Variants in KAZN observed in about 807,000 individuals in gnomAD.
KAZN encodes kazrin.
Under a neutral mutation model 87.4 loss-of-function variants are expected in KAZN, and 40 were observed. The ratio of observed to expected loss-of-function variants is 0.46; its 90% CI spans 0.36 to 0.60. KAZN has a LOEUF of 0.60. KAZN is among the 20% of genes least tolerant of loss of function. The pLI, the probability that KAZN is intolerant of heterozygous loss-of-function variation, is 0.00. For missense variants in KAZN, 898 were observed against 1,073.9 expected (o/e 0.84, Z 2.29); for synonymous variants, 466 against 458.3 (o/e 1.02, Z -0.22).
chr1:14,472,644 CTT>C (rs796277890), intron 2 of KAZN, among the ~76,000 whole-genome samples: 6 of 140,730 alleles, frequency 4.3e-5, no homozygotes, highest in East Asian at 2.0e-4. Flanking sequence ...AAAGAAGCTT[CTT>C]TTTTTTTTTT....
chr1:14,534,678 C>A (rs1340224119), intron 2 of KAZN, among the ~76,000 whole-genome samples: 1 of 152,108 alleles, frequency 6.6e-6, no homozygotes, highest in Non-Finnish European at 1.5e-5. Context: ...AACTGTAGCA[C>A]TGTTCAAGGC....
chr1:13,984,941 G>A (rs1184693517), intron 1 of KAZN, among the ~76,000 whole-genome samples: 1 of 151,762 alleles, frequency 6.6e-6, no homozygotes, highest in Admixed American at 6.6e-5. Context: ...AGTTTATTGT[G>A]AATAAATATA....
At chr1:14,276,791 T>C (rs552938964) in intron 2 of KAZN, among the ~76,000 whole-genome samples, 8 of 152,350 alleles carry the variant, frequency 5.3e-5, no homozygotes, top group Non-Finnish European at 1.0e-4. Flanking sequence ...AGGTCACAAC[T>C]TCAACATCTT....
intron 2 of KAZN, among the ~76,000 whole-genome samples, chr1:14,386,462 T>C (rs1295197118): frequency 2.0e-5 from 3 of 152,124 alleles, no homozygotes; most frequent in Non-Finnish European, 4.4e-5. Flanking sequence ...CAGTTGTTCC[T>C]TTCCATGTTT....
At chr1:14,571,457 T>C (rs1371128382) in intron 2 of KAZN, among the ~76,000 whole-genome samples, 3 of 152,224 alleles carry the variant, frequency 2.0e-5, no homozygotes, top group Non-Finnish European at 4.4e-5. Context: ...GTTTTTGCTT[T>C]GGCCTAATTC....
At chr1:14,456,035 A>T (rs1557733442) in intron 2 of KAZN, among the ~76,000 whole-genome samples, 1 of 152,206 alleles carries the variant, frequency 6.6e-6, no homozygotes, top group Admixed American at 6.5e-5. Context: ...AAGAAGATAG[A>T]TTTAAAAATG....
intron 1 of KAZN, among the ~76,000 whole-genome samples, chr1:14,823,593 C>T (rs2100837239): frequency 6.6e-6 from 1 of 152,160 alleles, no homozygotes; most frequent in East Asian, 1.9e-4. Context: ...GGGGACAGTC[C>T]TATACAATGA....
At chr1:13,943,820 TA>T (rs1458272120) in intron 1 of KAZN, among the ~76,000 whole-genome samples, 1 of 152,148 alleles carries the variant, frequency 6.6e-6, no homozygotes, top group Non-Finnish European at 1.5e-5. Context: ...AAATGCAAAT[TA>T]AAATCACAAT....
At chr1:14,589,199 C>T (rs1204731451) in intron 2 of KAZN, among the ~76,000 whole-genome samples, 2 of 152,088 alleles carry the variant, frequency 1.3e-5, no homozygotes, top group African/African-American at 2.4e-5. Context: ...TGATCAAAAG[C>T]AAAATAGCTG....
At chr1:14,595,340 T>G (rs1168921336), upstream of KAZN, among the ~76,000 whole-genome samples, 1 of 152,038 alleles carries the variant, frequency 6.6e-6, no homozygotes. Context: ...GTTTTGTTCC[T>G]TGAGGTCACC....
chr1:14,058,093 G>A (rs1019562911), intron 1 of KAZN, among the ~76,000 whole-genome samples: 1 of 152,204 alleles, frequency 6.6e-6, no homozygotes, highest in African/African-American at 2.4e-5. Context: ...CCCAGGTGGG[G>A]ATGTCACAGA....
At chr1:14,776,413 C>G (rs1268532850) in intron 1 of KAZN, among the ~76,000 whole-genome samples, 4 of 152,206 alleles carry the variant, frequency 2.6e-5, no homozygotes, top group African/African-American at 9.6e-5. Context: ...GGCACATGAC[C>G]CAGACCCCTG....
In KAZN at chr1:13,978,568, G is replaced by T. The variant is rs201677013; in HGVS notation, c.91+84812G>T. 8.6e-5 allele frequency among the ~76,000 whole-genome samples: 13 copies of T among 151,584 alleles called. No homozygotes were observed. In the East Asian group the frequency reaches 2.5e-3, roughly 29 times the overall value. ...AAAGGTAAGTTAATTCAACAGAGAG[G>T]TTTAAAAGTAGATTAGACACAGTAA... On this transcript the variant is annotated intron_variant, in intron 1 of 16. Transcript: ENST00000636203.
chr1:14,145,861 T>G (rs1217223858), intron 1 of KAZN, among the ~76,000 whole-genome samples: 2 of 152,210 alleles, frequency 1.3e-5, no homozygotes, highest in Admixed American at 1.3e-4. Context: ...TGAGCCACTG[T>G]GCCTGGCCAA....
At chr1:14,890,135 C>A (rs1022614781) in intron 1 of KAZN, among the ~76,000 whole-genome samples, 2 of 152,238 alleles carry the variant, frequency 1.3e-5, no homozygotes, top group Non-Finnish European at 2.9e-5. Flanking sequence ...CCAGAACTTG[C>A]TGAACAGTCG....
intron 2 of KAZN, among the ~76,000 whole-genome samples, chr1:14,395,152 GAAA>G (rs1333050278): frequency 6.6e-6 from 1 of 151,486 alleles, no homozygotes; most frequent in East Asian, 2.0e-4. Context: ...GAGGAGAGAA[GAAA>G]AAAGAGGGAG....
intron 1 of KAZN, among the ~76,000 whole-genome samples, chr1:13,915,776 C>T (rs1639829860): frequency 1.3e-5 from 2 of 152,172 alleles, no homozygotes; most frequent in African/African-American, 4.8e-5. Context: ...GACTCAGCTC[C>T]ACCTCGTTCC....
At chr1:14,219,190 G>C (rs1437996858) in intron 2 of KAZN, among the ~76,000 whole-genome samples, 3 of 152,072 alleles carry the variant, frequency 2.0e-5, no homozygotes. Flanking sequence ...ATGAAATATA[G>C]GGATGTATAA....
At position 14,965,550 on chromosome 1, in the gene KAZN, C is replaced by G. The variant is rs556011324; in HGVS notation, c.418+4675C>G. ...AGGTGTTTTGAGCGTGTTCCCACAA[C>G]AATAAATACTCTTTGAAAACATAAT... On this transcript the variant is annotated intron_variant, in intron 2 of 14. Transcript: ENST00000376030. Among the ~76,000 whole-genome samples, 222 of 152,306 alleles carry G rather than the reference C, an allele frequency of 1.5e-3. 2 individuals are homozygous for G. The highest frequency in any genetic ancestry group is 1.8e-3 in the Non-Finnish European group (122 of 68,022).
Sources: allele counts gnomAD v4.1 joint callset (sites outside exome capture counted in the v4.1 genomes callset), GRCh38; gene constraint gnomAD v4.1.1; transcripts MANE v1.5; gene names NCBI Gene and HGNC (gene_info 2026-07-23, HGNC 2026-07-21).